The following AKT3 variants were observed in gnomAD, a reference collection of about 807,000 sequenced individuals.
The protein encoded by AKT3 is RAC-gamma serine/threonine-protein kinase.
In AKT3, 15 loss-of-function variants were observed where a neutral mutation model predicts 65.3. The observed-to-expected ratio is 0.23, with a 90% CI of 0.15 to 0.35. The LOEUF (loss-of-function observed/expected upper bound fraction) is 0.35. AKT3 is among the 10% of genes least tolerant of loss of function. The pLI, the probability that AKT3 is intolerant of heterozygous loss-of-function variation, is 1.00. For missense variants in AKT3, 243 were observed against 576.5 expected (o/e 0.42, Z 5.92); for synonymous variants, 206 against 183.8 (o/e 1.12, Z -0.98).
At chr1:243,700,823 C>T (rs1170401284) in intron 2 of AKT3, among the ~76,000 whole-genome samples, 1 of 152,024 alleles carries the variant, frequency 6.6e-6, no homozygotes, top group Non-Finnish European at 1.5e-5. Flanking sequence ...TTAATAACAA[C>T]CTGAGATGGG....
intron 4 of AKT3, among the ~76,000 whole-genome samples, chr1:243,662,034 A>G (rs1682389223): frequency 6.8e-6 from 1 of 146,930 alleles, no homozygotes; most frequent in Non-Finnish European, 1.5e-5. Flanking sequence ...TAGAATGGCA[A>G]TCATTAAAAA....
Position 243,705,531 on chromosome 1 carries a change from C to T in AKT3, c.47-9815G>A, listed in dbSNP as rs550633392. ...CATTACATTTTTAACCAAAGTGATGCTTTTAAATTATTCTCTTAAACACAA... is the reference window on the plus strand; with the variant it reads ...CATTACATTTTTAACCAAAGTGATGTTTTTAAATTATTCTCTTAAACACAA... On this transcript the variant is annotated intron_variant, in intron 2 of 13. Coordinates refer to ENST00000673466, the MANE Select transcript of AKT3 (RefSeq NM_005465.7). Among the ~76,000 whole-genome samples, 27 of 152,206 alleles carry T rather than the reference C, an allele frequency of 1.8e-4. 1 individual carries two copies. The highest frequency in any genetic ancestry group is 6.0e-4 in the African/African-American group (25 of 41,550).
intron 4 of AKT3, among the ~76,000 whole-genome samples, chr1:243,648,997 G>A (rs1368159891): frequency 2.6e-5 from 4 of 151,934 alleles, no homozygotes; most frequent in Non-Finnish European, 5.9e-5. Context: ...TTAACGATGT[G>A]AGAAATTTCT....
intron 6 of AKT3, among the ~76,000 whole-genome samples, chr1:243,632,883 C>T (rs1391968061): frequency 6.6e-6 from 1 of 152,148 alleles, no homozygotes; most frequent in African/African-American, 2.4e-5. Flanking sequence ...CTTCTCTCAC[C>T]CTTCACAGAA....
intron 8 of AKT3, among the ~76,000 whole-genome samples, chr1:243,600,419 A>G (rs771288357): frequency 5.9e-5 from 9 of 152,186 alleles, no homozygotes; most frequent in Non-Finnish European, 1.2e-4. Context: ...TTCTAAAGTA[A>G]GTGTGTGGCA....
chr1:243,527,642 T>C (rs915957976), intron 12 of AKT3, among the ~76,000 whole-genome samples: 2 of 152,240 alleles, frequency 1.3e-5, no homozygotes, highest in African/African-American at 4.8e-5. Context: ...TCTGAGCCTA[T>C]CCCTACATGT....
At chr1:243,666,642 C>A (rs570869943) in intron 3 of AKT3, among the ~76,000 whole-genome samples, 51 of 152,318 alleles carry the variant, frequency 3.3e-4, no homozygotes, top group African/African-American at 1.2e-3. Context: ...TTTGTCATTA[C>A]AGGTGCTCCT....
intron 3 of AKT3, among the ~76,000 whole-genome samples, chr1:243,686,375 C>A (rs984582295): frequency 2.6e-5 from 4 of 151,760 alleles, no homozygotes; most frequent in Admixed American, 2.6e-4. Context: ...AAGTCCTAGG[C>A]ATGAAATGAA....
At chr1:243,610,836 CA>C (rs1337159771) in intron 8 of AKT3, among the ~76,000 whole-genome samples, 1 of 152,178 alleles carries the variant, frequency 6.6e-6, no homozygotes, top group African/African-American at 2.4e-5. Flanking sequence ...TACTCGTCTG[CA>C]CCTAGTTTTT....
intron 10 of AKT3, among the ~76,000 whole-genome samples, chr1:243,559,865 C>A (rs951233584): frequency 6.6e-6 from 1 of 152,032 alleles, no homozygotes; most frequent in Non-Finnish European, 1.5e-5. Context: ...AAAAGCCCAG[C>A]ATTAATAATG....
At chr1:243,572,583 T>C (rs1341061265) in intron 9 of AKT3, among the ~76,000 whole-genome samples, 1 of 152,238 alleles carries the variant, frequency 6.6e-6, no homozygotes, top group African/African-American at 2.4e-5. Flanking sequence ...TTCCTTCCAA[T>C]AGTCTTACTA....
At chr1:243,727,709 T>C (rs760175565) in intron 2 of AKT3, among the ~76,000 whole-genome samples, 1 of 152,146 alleles carries the variant, frequency 6.6e-6, no homozygotes. Flanking sequence ...AAGTTTCACA[T>C]CCTCTTTCTT....
chr1:243,795,919 A>G (rs963933679), intron 2 of AKT3, among the ~76,000 whole-genome samples: 3 of 152,160 alleles, frequency 2.0e-5, no homozygotes, highest in Non-Finnish European at 4.4e-5. Flanking sequence ...AAGGGCACAT[A>G]GGGAGAAAAT....
At chr1:243,766,347 TTAA>T (rs770792664) in intron 2 of AKT3, among the ~76,000 whole-genome samples, 1 of 151,974 alleles carries the variant, frequency 6.6e-6, no homozygotes, top group East Asian at 1.9e-4. Flanking sequence ...AAAAAGAAAA[TTAA>T]TAATAATTTT....
chr1:243,836,453 G>A (rs1694893422), intron 2 of AKT3, among the ~76,000 whole-genome samples: 1 of 150,844 alleles, frequency 6.6e-6, no homozygotes, highest in African/African-American at 2.4e-5. Flanking sequence ...CTATAACACT[G>A]AGTCACAGAA....
intron 12 of AKT3, among the ~76,000 whole-genome samples, chr1:243,522,623 G>A (rs567953964): frequency 6.6e-6 from 1 of 152,126 alleles, no homozygotes; most frequent in South Asian, 2.1e-4. Flanking sequence ...GGGTGACAGA[G>A]AGAGACCCTG....
intron 2 of AKT3, among the ~76,000 whole-genome samples, chr1:243,778,699 T>C (rs1572334931): frequency 1.3e-5 from 2 of 152,186 alleles, no homozygotes; most frequent in African/African-American, 4.8e-5. Context: ...ATTGTACATG[T>C]GTATGTCAAA....
At chr1:243,577,615 A>G (rs1353883603) in intron 8 of AKT3, among the ~76,000 whole-genome samples, 1 of 152,228 alleles carries the variant, frequency 6.6e-6, no homozygotes. Flanking sequence ...AGGCAATACC[A>G]TTCAGGACAT....
chr1:243,499,733 T>A lies in AKT3; in HGVS notation c.*5516A>T. On this transcript the variant is annotated 3_prime_UTR_variant, in exon 14 of 14. Transcript: ENST00000673466. ...ATTGAAGAACATGAGCTATTGAAAC[T>A]TACTTTTTATTATTTTTTCCAGTTA... is the stretch of plus-strand genomic sequence containing the variant. 1 of 1,596,654 alleles carries A rather than the reference T, an allele frequency of 6.3e-7. No individual in the cohort carries two copies. The highest frequency in any genetic ancestry group is 1.1e-5 in the South Asian group (1 of 90,704).
Sources: gnomAD v4.1 joint callset for allele counts (sites outside exome capture counted in the v4.1 genomes callset) on GRCh38, gnomAD v4.1.1 for gene constraint, MANE v1.5 for transcripts, NCBI Gene and HGNC (gene_info 2026-07-23, HGNC 2026-07-21) for gene names.